The following PID1 variants were observed in gnomAD, a reference collection of about 807,000 sequenced individuals.
PID1 encodes the protein PTB-containing, cubilin and LRP1-interacting protein.
A neutral mutation model predicts 19.1 loss-of-function variants in PID1; 10 were observed. The observed-to-expected ratio is 0.52, with a 90% CI of 0.32 to 0.89. PID1 has a LOEUF of 0.89. Among genes scored for constraint, PID1 ranks in the 40% least tolerant of loss-of-function variants. The pLI is 0.03. For missense variants in PID1, 248 were observed against 285.3 expected, an observed-to-expected ratio of 0.87 and a Z score of 0.94; for synonymous variants, 130 against 116.0, an observed-to-expected ratio of 1.12 and a Z score of -0.78.
chr2:229,242,330 T>C (rs148441358), intron 1 of PID1, among the ~76,000 whole-genome samples: 290 of 152,294 alleles, frequency 1.9e-3, no homozygotes, highest in African/African-American at 6.7e-3. Context: ...GCTCACTCCA[T>C]ATAATAAGAA....
chr2:229,233,723 C>T (rs1228403083), intron 1 of PID1, among the ~76,000 whole-genome samples: 4 of 152,082 alleles, frequency 2.6e-5, no homozygotes, highest in Non-Finnish European at 4.4e-5. Flanking sequence ...AACTCCTGAC[C>T]TCAGGTGATC....
intron 1 of PID1, among the ~76,000 whole-genome samples, chr2:229,263,923 T>C (rs1319481943): frequency 6.6e-6 from 1 of 152,188 alleles, no homozygotes; most frequent in African/African-American, 2.4e-5. Flanking sequence ...GCTATTGTTA[T>C]TATTACTGAC....
intron 1 of PID1, among the ~76,000 whole-genome samples, chr2:229,228,478 T>C (rs551944646): frequency 6.6e-5 from 10 of 152,310 alleles, no homozygotes; most frequent in Admixed American, 3.3e-4. Context: ...GTAATATACG[T>C]GTGTGGAAAT....
In PID1 at chr2:229,271,252, G is replaced by C. The variant is rs1690731834; in HGVS notation, c.-209C>G. 4.5e-6 allele frequency: 2 copies of C among 445,738 alleles called. No individual in the cohort carries two copies. The highest frequency in any genetic ancestry group is 4.0e-5 in the East Asian group (1 of 25,260). 27.6% of individuals were successfully genotyped at this position (445,738 alleles called of 1,614,324 possible). Reference sequence around the variant, plus strand: ...GCCGGCAACTTGTGGGCACGGCCGCGCGCCGGCTGTCCTGGCGCAGCTGCG... The same window carrying C: ...GCCGGCAACTTGTGGGCACGGCCGCCCGCCGGCTGTCCTGGCGCAGCTGCG... On this transcript the variant is annotated 5_prime_UTR_variant, in exon 1 of 3. Coordinates refer to ENST00000392055, the MANE Select transcript of PID1 (RefSeq NM_001100818.2).
intron 2 of PID1, among the ~76,000 whole-genome samples, chr2:229,116,957 T>C (rs925216104): frequency 4.6e-5 from 7 of 152,112 alleles, no homozygotes; most frequent in Non-Finnish European, 1.0e-4. Flanking sequence ...AATGCACATC[T>C]TAAGAAGCCA....
intron 2 of PID1, among the ~76,000 whole-genome samples, chr2:229,124,092 A>T (rs1695576691): frequency 6.6e-6 from 1 of 152,206 alleles, no homozygotes; most frequent in Non-Finnish European, 1.5e-5. Context: ...CCTTCTCTGT[A>T]TGTGTTTGAT....
chr2:229,097,420 G>A (rs933542123), intron 2 of PID1, among the ~76,000 whole-genome samples: 13 of 152,124 alleles, frequency 8.5e-5, no homozygotes, highest in Admixed American at 2.0e-4. Flanking sequence ...TAGCTGAATC[G>A]GATTGTATTT....
chr2:229,201,482 GT>G (rs1388065647), intron 1 of PID1, among the ~76,000 whole-genome samples: 4 of 152,074 alleles, frequency 2.6e-5, no homozygotes, highest in Admixed American at 2.6e-4. Flanking sequence ...CTGAAGGGTA[GT>G]CCACTGTATG....
chr2:229,206,875 A>G (rs1691620270), intron 1 of PID1, among the ~76,000 whole-genome samples: 1 of 152,162 alleles, frequency 6.6e-6, no homozygotes, highest in African/African-American at 2.4e-5. Flanking sequence ...GTGTATAGGA[A>G]TCACCGAGGG....
intron 2 of PID1, among the ~76,000 whole-genome samples, chr2:229,092,957 T>C (rs924583445): frequency 1.1e-4 from 17 of 152,120 alleles, no homozygotes; most frequent in African/African-American, 3.9e-4. Context: ...ATCCCAGCAA[T>C]TGACTCCACT....
intron 2 of PID1, among the ~76,000 whole-genome samples, chr2:229,047,098 G>A (rs899719511): frequency 7.2e-5 from 11 of 152,166 alleles, no homozygotes; most frequent in Non-Finnish European, 1.3e-4. Context: ...ACACCACCAT[G>A]TTCTTCCTCC....
intron 2 of PID1, among the ~76,000 whole-genome samples, chr2:229,033,769 A>G (rs1693604255): frequency 6.6e-6 from 1 of 152,230 alleles, no homozygotes; most frequent in African/African-American, 2.4e-5. Context: ...TGATAGGAAA[A>G]GAGAATGGAG....
intron 1 of PID1, among the ~76,000 whole-genome samples, chr2:229,172,297 T>C (rs1260961061): frequency 1.3e-5 from 2 of 152,158 alleles, no homozygotes; most frequent in African/African-American, 2.4e-5. Context: ...CAATGAAGCA[T>C]ATATAAGAAA....
At chr2:229,192,355 AC>A (rs1396392052) in intron 1 of PID1, among the ~76,000 whole-genome samples, 2 of 152,160 alleles carry the variant, frequency 1.3e-5, no homozygotes, top group Non-Finnish European at 2.9e-5. Context: ...CAAAAGAAGA[AC>A]CTTTTGACAT....
rs61118908 is a variant in PID1 at position 229,069,143 on chromosome 2, T to TTGTG, written c.178-43039_178-43036dup. ...TTCCTTTCTTTAACGAGAAGGGTTT[T>TTGTG]TGTGTGTGTGTGTGTGTGTGTGTGT... On this transcript the variant is annotated intron_variant, in intron 2 of 2. Transcript: ENST00000392055. Among the ~76,000 whole-genome samples, 1,179 of 140,664 alleles carry TTGTG rather than the reference T, an allele frequency of 8.4e-3. 16 individuals are homozygous for TTGTG. The highest frequency in any genetic ancestry group is 0.029 in the East Asian group (138 of 4,796). The allele number at this position is 140,664 out of a possible 152,430, so 92.3% of individuals were successfully genotyped here. A position where few individuals can be genotyped will look rare whatever the true frequency, so the allele number is the denominator to read the frequency against.
At chr2:229,030,716 T>C (rs1693529286) in intron 2 of PID1, among the ~76,000 whole-genome samples, 1 of 152,174 alleles carries the variant, frequency 6.6e-6, no homozygotes, top group Non-Finnish European at 1.5e-5. Flanking sequence ...GATTTCATAG[T>C]AGCAAAATTT....
chr2:229,127,552 T>G (rs1559245488), intron 2 of PID1, among the ~76,000 whole-genome samples: 1 of 152,186 alleles, frequency 6.6e-6, no homozygotes, highest in African/African-American at 2.4e-5. Flanking sequence ...GCTTTTTCTC[T>G]AGACCAAGTG....
chr2:229,185,969 T>C (rs1475304458), intron 1 of PID1, among the ~76,000 whole-genome samples: 1 of 152,182 alleles, frequency 6.6e-6, no homozygotes, highest in Non-Finnish European at 1.5e-5. Flanking sequence ...TACGAGCCTG[T>C]AAAATCAAAA....
At chr2:229,242,690 C>G (rs1689900954) in intron 1 of PID1, among the ~76,000 whole-genome samples, 1 of 152,114 alleles carries the variant, frequency 6.6e-6, no homozygotes, top group Non-Finnish European at 1.5e-5. Flanking sequence ...TCCCTGCTTG[C>G]AATACATTTT....
Sources: gnomAD v4.1 joint callset for allele counts (sites outside exome capture counted in the v4.1 genomes callset) on GRCh38, gnomAD v4.1.1 for gene constraint, MANE v1.5 for transcripts, NCBI Gene and HGNC (gene_info 2026-07-23, HGNC 2026-07-21) for gene names.